The following PDE10A variants were observed in gnomAD, a reference collection of about 807,000 sequenced individuals.
The protein encoded by PDE10A is phosphodiesterase 10A.
A neutral mutation model predicts 97.7 loss-of-function variants in PDE10A; 39 were observed. That is an observed-to-expected ratio of 0.40 (90% CI 0.31 to 0.52). The LOEUF is 0.52. PDE10A is among the 20% of genes least tolerant of loss of function. The pLI is 0.56. For missense variants in PDE10A, 731 were observed against 1,047.8 expected, an observed-to-expected ratio of 0.70 and a Z score of 4.17; for synonymous variants, 371 against 376.8, an observed-to-expected ratio of 0.98 and a Z score of 0.18.
At chr6:165,953,650 G>A (rs928777613) in intron 1 of PDE10A, among the ~76,000 whole-genome samples, 1 of 152,116 alleles carries the variant, frequency 6.6e-6, no homozygotes, top group Non-Finnish European at 1.5e-5. Context: ...AGAAAACTGA[G>A]CAGACAGTAG....
At chr6:165,925,726 G>A (rs904883598) in intron 1 of PDE10A, among the ~76,000 whole-genome samples, 1 of 152,234 alleles carries the variant, frequency 6.6e-6, no homozygotes, top group Non-Finnish European at 1.5e-5. Context: ...CATGATGGGA[G>A]ATAAAAGCAT....
chr6:165,794,231 C>T (rs182872313), intron 1 of PDE10A, among the ~76,000 whole-genome samples: 157 of 149,264 alleles, frequency 1.1e-3, no homozygotes, highest in Non-Finnish European at 1.9e-4. Flanking sequence ...TCATACACTC[C>T]CTCCCACACG....
chr6:165,533,654 C>T (rs1355506906), intron 2 of PDE10A, among the ~76,000 whole-genome samples: 2 of 152,028 alleles, frequency 1.3e-5, no homozygotes, highest in Non-Finnish European at 2.9e-5. Context: ...AGGTACAACC[C>T]TCTCAAGTGG....
At chr6:165,494,538 T>G (rs866119525) in intron 2 of PDE10A, among the ~76,000 whole-genome samples, 3 of 139,858 alleles carry the variant, frequency 2.1e-5, no homozygotes, top group African/African-American at 8.2e-5. Flanking sequence ...ATATATATAT[T>G]TATTTATTTA....
chr6:165,958,727 G>GAAAT (rs1236072564), intron 1 of PDE10A, among the ~76,000 whole-genome samples: 1 of 12,288 alleles, frequency 8.1e-5, no homozygotes. Flanking sequence ...AAGAAAGAAA[G>GAAAT]AAAGAAAGAA....
intron 1 of PDE10A, among the ~76,000 whole-genome samples, chr6:165,827,236 G>A (rs1458331080): frequency 2.0e-5 from 3 of 152,220 alleles, no homozygotes; most frequent in African/African-American, 4.8e-5. Context: ...ACAGGGAAGG[G>A]TCTAAGCCCT....
chr6:165,517,659 A>G (rs984735182), intron 2 of PDE10A, among the ~76,000 whole-genome samples: 3 of 152,206 alleles, frequency 2.0e-5, no homozygotes, highest in African/African-American at 7.2e-5. Flanking sequence ...CATTCACACG[A>G]CATTTGGGAA....
chr6:165,577,653 C>T (rs1428811101), intron 1 of PDE10A, among the ~76,000 whole-genome samples: 1 of 152,210 alleles, frequency 6.6e-6, no homozygotes, highest in Non-Finnish European at 1.5e-5. Flanking sequence ...CACACGTGGG[C>T]CGCCTGCTAT....
chr6:165,970,596 G>GGA (rs1784639553), intron 1 of PDE10A, among the ~76,000 whole-genome samples: 1 of 152,062 alleles, frequency 6.6e-6, no homozygotes, highest in South Asian at 2.1e-4. Context: ...CCATTTATAA[G>GGA]TTCAATAAAA....
At chr6:165,532,115 C>T (rs2128315279) in intron 2 of PDE10A, among the ~76,000 whole-genome samples, 1 of 152,186 alleles carries the variant, frequency 6.6e-6, no homozygotes, top group Non-Finnish European at 1.5e-5. Flanking sequence ...TTTACACTAA[C>T]CTCTGCTTTC....
At chr6:165,626,611 G>C (rs1015178427) in intron 1 of PDE10A, among the ~76,000 whole-genome samples, 1 of 152,118 alleles carries the variant, frequency 6.6e-6, no homozygotes, top group Non-Finnish European at 1.5e-5. Flanking sequence ...AAAATACCAC[G>C]GCTGAAACTA....
At chr6:165,393,423 T>A (rs1364635128) in intron 15 of PDE10A, among the ~76,000 whole-genome samples, 2 of 151,622 alleles carry the variant, frequency 1.3e-5, no homozygotes, top group African/African-American at 4.8e-5. Flanking sequence ...TATGTACTTA[T>A]TTAAGACCCT....
intron 2 of PDE10A, among the ~76,000 whole-genome samples, chr6:165,510,197 A>G (rs1423286185): frequency 6.6e-6 from 1 of 152,040 alleles, no homozygotes; most frequent in East Asian, 1.9e-4. Context: ...ATTCAGTATG[A>G]TGTTAGCTGT....
Position 165,366,849 on chromosome 6 carries a change from T to A in PDE10A, c.2783+12345A>T, listed in dbSNP as rs1347787689. Among the ~76,000 whole-genome samples, 7 of 152,280 alleles carry A rather than the reference T, an allele frequency of 4.6e-5. No homozygotes were observed. The East Asian group carries it at 1.2e-3, about 25-fold the overall frequency. On this transcript the variant is annotated intron_variant, in intron 18 of 21. Coordinates refer to ENST00000539869, the MANE Select transcript of PDE10A (RefSeq NM_001385079.1). ...ATACTCATATATTTAGGATGATTGA[T>A]GAGAAATGCAACTGGCCACTAGGAT...
chr6:165,443,061 G>A lies in PDE10A; in HGVS notation c.1194+5867C>T, dbSNP rs191670398. Among the ~76,000 whole-genome samples, 134 of 139,084 alleles carry A rather than the reference G, an allele frequency of 9.6e-4. 1 individual carries two copies. In the South Asian group the frequency reaches 0.027, roughly 28 times the overall value. The allele number at this position is 139,084 out of a possible 152,430, so 91.2% of individuals were successfully genotyped here. On this transcript the variant is annotated intron_variant, in intron 5 of 21. Coordinates refer to ENST00000539869, the MANE Select transcript of PDE10A (RefSeq NM_001385079.1). ...CAGGAGGTGGAGGTTGCAGTGAGCC[G>A]AGACCATACCACTGTGCTCCAGCCT...
rs541519929 is a variant in PDE10A, at chr6:165,330,111, T to G, written c.*2914A>C. 1 of 152,338 alleles carries G rather than the reference T, an allele frequency of 6.6e-6. No individual in the cohort carries two copies. The highest frequency in any genetic ancestry group is 1.5e-5 in the Non-Finnish European group (1 of 68,006). The allele number at this position is 152,338 out of a possible 1,614,324, so 9.4% of individuals were successfully genotyped here. A position where few individuals can be genotyped will look rare whatever the true frequency, so the allele number is the denominator to read the frequency against. On this transcript the variant is annotated 3_prime_UTR_variant, in exon 22 of 22. Transcript: ENST00000539869. ...TGTGTCCAAAAAGATAATGGAATAA[T>G]TGCATATGACCATAAAACTTGTCTA...
At chr6:165,765,326 T>C (rs1384581588) in intron 1 of PDE10A, among the ~76,000 whole-genome samples, 2 of 152,196 alleles carry the variant, frequency 1.3e-5, no homozygotes, top group Non-Finnish European at 2.9e-5. Context: ...CTGGGCGCTG[T>C]AGAGCAGGGG....
intron 2 of PDE10A, among the ~76,000 whole-genome samples, chr6:165,500,370 T>G (rs1780797725): frequency 6.6e-6 from 1 of 152,060 alleles, no homozygotes; most frequent in Admixed American, 6.5e-5. Flanking sequence ...ACTAGAAAAA[T>G]TCTTCTGCCT....
At chr6:165,847,743 G>C (rs1397116080) in intron 1 of PDE10A, among the ~76,000 whole-genome samples, 1 of 152,202 alleles carries the variant, frequency 6.6e-6, no homozygotes, top group Non-Finnish European at 1.5e-5. Context: ...TTTGTTTTTG[G>C]CAACAGTTAA....
Sources: gnomAD v4.1 joint callset for allele counts (sites outside exome capture counted in the v4.1 genomes callset) on GRCh38, gnomAD v4.1.1 for gene constraint, MANE v1.5 for transcripts, NCBI Gene and HGNC (gene_info 2026-07-23, HGNC 2026-07-21) for gene names.